ZNF397: variants seen among roughly 807,000 people sequenced by gnomAD.
The protein encoded by ZNF397 is zinc finger and SCAN domain-containing protein 15.
Under a neutral mutation model 50.6 loss-of-function variants are expected in ZNF397, and 38 were observed. The observed-to-expected ratio is 0.75, with a 90% CI of 0.58 to 0.98. ZNF397 has a LOEUF of 0.98. Among genes scored for constraint, ZNF397 ranks in the 50% least tolerant of loss-of-function variants. The probability of loss-of-function intolerance (pLI) is 0.00; values close to 1 mark genes in which losing one functional copy is unlikely to be tolerated. For synonymous variants in ZNF397, 228 were observed against 215.2 expected, an observed-to-expected ratio of 1.06 and a Z score of -0.52; for missense variants, 624 against 624.1, an observed-to-expected ratio of 1.00 and a Z score of 0.00.
In ZNF397 at chr18:35,247,187, T is replaced by C; in HGVS notation, c.*877T>C. 4.1e-6 allele frequency: 4 copies of C among 985,430 alleles called. No individual in the cohort carries two copies. Among genetic ancestry groups the C allele is most frequent in the Non-Finnish European group, 3.6e-6 (3 of 829,912 alleles). 61.0% of individuals were successfully genotyped at this position (985,430 alleles called of 1,614,324 possible). Reference sequence around the variant, plus strand: ...GAGAAGTCTGGGTCTGGCCAGACTCTTAAGCAGTGCCAATGGAGAAGTTCC... The same window carrying C: ...GAGAAGTCTGGGTCTGGCCAGACTCCTAAGCAGTGCCAATGGAGAAGTTCC... On this transcript the variant is annotated 3_prime_UTR_variant, in exon 4 of 4. Transcript: ENST00000330501.
At chr18:35,250,893 C>T (rs1247822780), downstream of ZNF397, among the ~76,000 whole-genome samples, 1 of 152,158 alleles carries the variant, frequency 6.6e-6, no homozygotes, top group Non-Finnish European at 1.5e-5. Flanking sequence ...TTAACTGCAG[C>T]CCCAGAGACT....
intron 1 of ZNF397, 47 bp from the exon 2 acceptor site, chr18:35,242,344 A>G: frequency 1.1e-6 from 1 of 880,728 alleles, no homozygotes; most frequent in Non-Finnish European, 1.7e-6. Context: ...ACAAGTACTT[A>G]GAGATTTTAT....
At position 35,248,998 on chromosome 18, in the gene ZNF397, A is replaced by G. The variant is rs1481602731; in HGVS notation, c.*2688A>G. The G allele has an allele frequency of 1.3e-5, 2 of 152,196 alleles. No homozygotes were observed. Among genetic ancestry groups the G allele is most frequent in the Admixed American group, 1.3e-4 (2 of 15,270 alleles). 9.4% of individuals were successfully genotyped at this position (152,196 alleles called of 1,614,324 possible). A position where few individuals can be genotyped will look rare whatever the true frequency, so the allele number is the denominator to read the frequency against. ...GGGGAGGTCAGACTTTGAACCCACA[A>G]CCTGACTGTGGAGCCACTTCAGTAT... On this transcript the variant is annotated 3_prime_UTR_variant, in exon 4 of 4. Coordinates refer to ENST00000330501, the MANE Select transcript of ZNF397 (RefSeq NM_001135178.3).
At chr18:35,252,263 G>A (rs1300225262), downstream of ZNF397, 1 of 152,184 alleles carries the variant, frequency 6.6e-6, no homozygotes, top group Non-Finnish European at 1.5e-5. Context: ...TATGGGAAAA[G>A]GCATGTATAT....
chr18:35,256,602 A>G (rs1042944800), intron 5 of ZNF397, among the ~76,000 whole-genome samples: 29 of 152,202 alleles, frequency 1.9e-4, no homozygotes, highest in Admixed American at 1.3e-3. Flanking sequence ...ATTCAGAAAT[A>G]CTTGCATAGA....
At chr18:35,253,550 A>G (rs1296469677), downstream of ZNF397, 1 of 1,613,942 alleles carries the variant, frequency 6.2e-7, no homozygotes, top group Admixed American at 1.7e-5. Context: ...TCCAGTGTGA[A>G]TTCTCTGGTG....
At chr18:35,241,709 C>T (rs192097653) in intron 1 of ZNF397, 2 of 152,280 alleles carry the variant, frequency 1.3e-5, no homozygotes, top group East Asian at 1.9e-4. Context: ...TTTACAGATA[C>T]GTCTTGGTTC....
chr18:35,241,357 G>A (rs569563516), intron 1 of ZNF397: 3 of 141,286 alleles, frequency 2.1e-5, no homozygotes, highest in African/African-American at 7.9e-5. Context: ...AAAAATAGAA[G>A]GGCTAGTTAG....
In ZNF397 at chr18:35,245,511, C is replaced by T. The variant is rs1343976968; in HGVS notation, c.806C>T (p.Thr269Ile). The T allele has an allele frequency of 6.4e-7, 1 of 1,552,398 alleles. No homozygotes were observed. The highest frequency in any genetic ancestry group is 1.4e-5 in the African/African-American group (1 of 73,166). ...YDEAERCLIL[T>I]TDSIMCQKVP... ...GAGGCTGAAAGATGCTTGATTCTAA[C>T]TACAGACTCTATAATGTGTCAGAAA... Residue 269 changes from threonine (T) to isoleucine (I), a missense_variant, in exon 4 of 4, where the codon ACT becomes ATT. Thr to Ile is a moderately conservative substitution (Grantham distance 89). Transcript: ENST00000330501.
In ZNF397 at chr18:35,247,636, TGTCACCAG is replaced by T. The variant is rs2043503544; in HGVS notation, c.*1327_*1334del. The T allele has an allele frequency of 6.6e-6, 1 of 150,862 alleles. No individual in the cohort carries two copies. 9.3% of individuals were successfully genotyped at this position (150,862 alleles called of 1,614,324 possible). On this transcript the variant is annotated 3_prime_UTR_variant, in exon 4 of 4. Coordinates refer to ENST00000330501, the MANE Select transcript of ZNF397 (RefSeq NM_001135178.3). ...CTCGCACATGTTCAGTTTTGTCTTATGTCACCAGTATTTCACAATATCTTTTGCAATTT... is the reference window on the plus strand; with the variant it reads ...CTCGCACATGTTCAGTTTTGTCTTATTATTTCACAATATCTTTTGCAATTT...
rs1177909606 is a variant in ZNF397, at chr18:35,249,672, A to C, written c.*3362A>C. 3.3e-5 allele frequency: 5 copies of C among 149,692 alleles called. No homozygotes were observed. Among genetic ancestry groups the C allele is most frequent in the Admixed American group, 1.3e-4 (2 of 14,882 alleles). 9.3% of individuals were successfully genotyped at this position (149,692 alleles called of 1,614,324 possible). A position where few individuals can be genotyped will look rare whatever the true frequency, so the allele number is the denominator to read the frequency against. On this transcript the variant is annotated 3_prime_UTR_variant, in exon 4 of 4. Coordinates refer to ENST00000330501, the MANE Select transcript of ZNF397 (RefSeq NM_001135178.3). ...TGTCTCAAAAAAAAAAAAAAAAAAA[A>C]AAAAAACACTGATGTCAATTAATAT... is the stretch of plus-strand genomic sequence containing the variant.
intron 1 of ZNF397, chr18:35,241,768 TGCTC>T (rs1912519899): frequency 6.6e-6 from 1 of 152,178 alleles, no homozygotes; most frequent in Non-Finnish European, 1.5e-5. Context: ...AAAATCTTAA[TGCTC>T]AGTAAGTGCC....
In ZNF397 at chr18:35,245,397, G is replaced by A. The variant is rs1259595506; in HGVS notation, c.692G>A (p.Gly231Glu). The stretch of plus-strand genomic sequence containing the variant: ...GTGTGGAAGCAAGGAAGTGCTACAG[G>A]GGAGAAACTAAGATCTCCTTCCCAA... ...NLVWKQGSAT[G>E]EKLRSPSQGG... Residue 231 changes from glycine (G) to glutamate (E), a missense_variant, in exon 4 of 4, where the codon GGG becomes GAG. By Grantham distance (98) the Gly-to-Glu change is moderately conservative. Transcript: ENST00000330501. The A allele has an allele frequency of 1.3e-6, 2 of 1,594,692 alleles. No individual in the cohort carries two copies. The highest frequency in any genetic ancestry group is 2.3e-5 in the East Asian group (1 of 43,422).
chr18:35,247,782 T>A lies in ZNF397; in HGVS notation c.*1472T>A, dbSNP rs1478405409. ...GCCTCCTGGGTTCAAGCGATTCTCC[T>A]GCCTCAGCCTTCTGAGTAGCTGGGA... is the stretch of plus-strand genomic sequence containing the variant. On this transcript the variant is annotated 3_prime_UTR_variant, in exon 4 of 4. Transcript: ENST00000330501. 1.3e-5 allele frequency: 2 copies of A among 148,852 alleles called. No homozygotes were observed. The highest frequency in any genetic ancestry group is 2.5e-5 in the African/African-American group (1 of 40,334). 9.2% of individuals were successfully genotyped at this position (148,852 alleles called of 1,614,324 possible).
chr18:35,257,435 G>A (rs1051644727), intron 5 of ZNF397: 6 of 156,526 alleles, frequency 3.8e-5, no homozygotes, highest in African/African-American at 1.2e-4. Context: ...TTTGGAAGGT[G>A]ACTAGGTCAT....
Position 35,243,279 on chromosome 18 carries a change from T to C in ZNF397, c.542T>C (p.Leu181Pro). The C allele has an allele frequency of 6.2e-7, 1 of 1,614,214 alleles. No homozygotes were observed. Among genetic ancestry groups the C allele is most frequent in the Non-Finnish European group, 8.5e-7 (1 of 1,180,036 alleles). ...CAGCTGAAATCCTGGAAACCATGCC[T>C]TTCCCCTAAAAGTGGTGAGGAATGG... is the stretch of plus-strand genomic sequence containing the variant. ...KTQLKSWKPC[L>P]SPKSDCENSE... The change falls in exon 3 of 4, where the codon CTT becomes CCT. Residue 181 changes from leucine (L) to proline (P), a missense_variant. Transcript: ENST00000330501.
At chr18:35,257,781 G>T (rs116295705) in intron 5 of ZNF397, 14 of 720,806 alleles carry the variant, frequency 1.9e-5, no homozygotes, top group Non-Finnish European at 3.3e-5. Flanking sequence ...CCATCTCTGC[G>T]TCAAGAAGAG....
At chr18:35,255,862 G>A (rs1206555752) in intron 5 of ZNF397, 1 of 154,300 alleles carries the variant, frequency 6.5e-6, no homozygotes, top group African/African-American at 2.4e-5. Context: ...AAACATTTAT[G>A]AAAAATATAC....
intron 3 of ZNF397, 76 bp from the exon 4 acceptor site, chr18:35,245,186 G>GT: frequency 6.9e-7 from 1 of 1,458,702 alleles, no homozygotes; most frequent in East Asian, 2.5e-5. Context: ...AGAAGCTTCT[G>GT]TTTTCTCTCA....
Sources: gnomAD v4.1 joint callset for allele counts (sites outside exome capture counted in the v4.1 genomes callset) on GRCh38, gnomAD v4.1.1 for gene constraint, MANE v1.5 for transcripts, NCBI Gene and HGNC (gene_info 2026-07-23, HGNC 2026-07-21) for gene names.